WNK3: variants seen among roughly 807,000 people sequenced by gnomAD.
The protein encoded by WNK3 is serine/threonine-protein kinase WNK3.
WNK3 carries 18 observed loss-of-function variants against 116.7 expected under a neutral mutation model. The ratio of observed to expected loss-of-function variants is 0.15; its 90% CI spans 0.11 to 0.23. WNK3 has a LOEUF of 0.23. WNK3 is among the 10% of genes least tolerant of loss of function. The pLI, the probability that WNK3 is intolerant of heterozygous loss-of-function variation, is 1.00. For synonymous variants in WNK3, 404 were observed against 469.4 expected, an observed-to-expected ratio of 0.86 and a Z score of 1.80; for missense variants, 993 against 1,323.8, an observed-to-expected ratio of 0.75 and a Z score of 3.88.
At chrX:54,254,201 T>A in intron 12 of WNK3, 126 bp from the exon 13 acceptor site, 1 of 420,593 alleles carries the variant, frequency 2.4e-6, no homozygotes, top group Non-Finnish European at 4.2e-6. Flanking sequence ...TTCAGAATGT[T>A]TTCCCTTGGT....
chrX:54,260,563 T>C (rs1424494941), intron 10 of WNK3, among the ~76,000 whole-genome samples: 2 of 111,911 alleles, frequency 1.8e-5, no homozygotes, highest in Non-Finnish European at 3.8e-5. Flanking sequence ...CTCAGAATCA[T>C]GGCTAATGTT....
At chrX:54,302,151 T>C (rs2068764224) in intron 5 of WNK3, among the ~76,000 whole-genome samples, 1 of 111,183 alleles carries the variant, frequency 9.0e-6, no homozygotes, top group Non-Finnish European at 1.9e-5. Context: ...TCTGCAGGTA[T>C]ATATGACAAT....
Position 54,302,757 on chromosome X carries a change from A to T in WNK3, c.1090-898T>A, listed in dbSNP as rs868935248. Among the ~76,000 whole-genome samples the T allele has an allele frequency of 3.7e-3, 160 of 43,395 alleles. 3 individuals are homozygous for T. The highest frequency in any genetic ancestry group is 0.015 in the African/African-American group (131 of 9,008). The allele number at this position is 43,395 out of a possible 115,157, so 37.7% of individuals were successfully genotyped here. ...TATATATATATATATATATATATAT[A>T]TTTTTTTTTTTTTTTTTATTTTTAA... On this transcript the variant is annotated intron_variant, in intron 5 of 23. Coordinates refer to ENST00000354646, the Ensembl canonical transcript of WNK3.
intron 21 of WNK3, among the ~76,000 whole-genome samples, chrX:54,229,383 T>C (rs782342456): frequency 1.8e-5 from 2 of 108,638 alleles, no homozygotes; most frequent in East Asian, 2.9e-4. Flanking sequence ...AAAGGAGAGA[T>C]AGCCTACGTT....
chrX:54,257,789 C>CAAA (rs60655785), intron 11 of WNK3, among the ~76,000 whole-genome samples: 2 of 15,664 alleles, frequency 1.3e-4, no homozygotes, highest in African/African-American at 6.6e-4. Context: ...GACTCTGCCT[C>CAAA]AAAAAAAAAA....
At chrX:54,233,315 G>A (rs1227952375) in intron 20 of WNK3, among the ~76,000 whole-genome samples, 1 of 105,649 alleles carries the variant, frequency 9.5e-6, no homozygotes, top group African/African-American at 3.4e-5. Flanking sequence ...GTGCATGCCT[G>A]TAGTCCCACC....
At chrX:54,286,133 C>T (rs782405654) in intron 10 of WNK3, among the ~76,000 whole-genome samples, 1 of 109,670 alleles carries the variant, frequency 9.1e-6, no homozygotes, top group Non-Finnish European at 1.9e-5. Context: ...GTGCAATCTG[C>T]CCACAGAATG....
intron 17 of WNK3, 41 bp from the exon 18 acceptor site, chrX:54,239,140 C>A: frequency 8.2e-6 from 7 of 853,475 alleles, no homozygotes; most frequent in Admixed American, 8.5e-5. Flanking sequence ...CAAAACAAAA[C>A]AAAACAAAAC....
intron 7 of WNK3, 33 bp from the exon 8 acceptor site, chrX:54,294,880 T>C: frequency 9.0e-7 from 1 of 1,109,404 alleles, no homozygotes; most frequent in Non-Finnish European, 1.2e-6. Flanking sequence ...AAACTACTTC[T>C]TTAACATTTA....
Position 54,298,414 on chromosome X carries a change from T to C in WNK3, c.1179-20A>G. On this transcript the variant is annotated intron_variant, in intron 6 of 23. Transcript: ENST00000354646. The stretch of plus-strand genomic sequence containing the variant: ...GACAACCTAATAAACAAAACATATA[T>C]CTCATTATCAGTTCTTCCAATCATA... 9.1e-7 allele frequency: 1 copy of C among 1,103,879 alleles called. No homozygotes were observed. The highest frequency in any genetic ancestry group is 1.2e-6 in the Non-Finnish European group (1 of 800,768). The allele number at this position is 1,103,879 out of a possible 1,213,427, so 91.0% of individuals were successfully genotyped here. A position where few individuals can be genotyped will look rare whatever the true frequency, so the allele number is the denominator to read the frequency against.
chrX:54,326,038 TTTTACAAAGAACAATAGGTCAAAGTC>T (rs1195628741), intron 2 of WNK3, among the ~76,000 whole-genome samples: 1 of 111,115 alleles, frequency 9.0e-6, no homozygotes, highest in Non-Finnish European at 1.9e-5. Flanking sequence ...TTACCAAAGT[TTTTACAAAGAACAATAGGTCAAAGTC>T]TTTCCATTAA....
chrX:54,345,058 G>C lies in WNK3; in HGVS notation c.-119-11266C>G, dbSNP rs1449445097. 4.6e-5 allele frequency among the ~76,000 whole-genome samples: 5 copies of C among 109,586 alleles called. No homozygotes were observed. The East Asian group carries it at 1.4e-3, about 31-fold the overall frequency. The stretch of plus-strand genomic sequence containing the variant: ...AGGTCAGGAGGTCCAGATCATCCTG[G>C]CTAACACGGTGAAACCCCGTCTCTA... On this transcript the variant is annotated intron_variant, in intron 1 of 23. Transcript: ENST00000354646.
intron 1 of WNK3, among the ~76,000 whole-genome samples, chrX:54,355,747 C>G (rs781883927): frequency 9.0e-6 from 1 of 111,510 alleles, no homozygotes; most frequent in South Asian, 3.8e-4. Flanking sequence ...TTCCATTCTC[C>G]AAATATACCA....
At chrX:54,232,514 C>T (rs1264502268) in intron 21 of WNK3, among the ~76,000 whole-genome samples, 1 of 111,733 alleles carries the variant, frequency 8.9e-6, no homozygotes, top group East Asian at 2.8e-4. Context: ...CAGAAGTTCC[C>T]ACTGACTGAT....
intron 23 of WNK3, among the ~76,000 whole-genome samples, chrX:54,200,300 A>G (rs1462841898): frequency 3.6e-5 from 4 of 112,020 alleles, no homozygotes; most frequent in African/African-American, 6.5e-5. Context: ...CACCAAACCC[A>G]TGTCTAACAG....
intron 10 of WNK3, among the ~76,000 whole-genome samples, chrX:54,266,967 C>T (rs1370208380): frequency 1.8e-5 from 2 of 110,625 alleles, no homozygotes; most frequent in Non-Finnish European, 3.8e-5. Flanking sequence ...TGTTCAACTC[C>T]CACTTATGAG....
intron 10 of WNK3, among the ~76,000 whole-genome samples, chrX:54,268,301 G>A (rs1275611280): frequency 9.0e-6 from 1 of 110,872 alleles, no homozygotes; most frequent in Non-Finnish European, 1.9e-5. Context: ...GGGCAACTGA[G>A]CAATACCTCG....
chrX:54,275,979 C>A (rs1289823483), intron 10 of WNK3, among the ~76,000 whole-genome samples: 1 of 110,794 alleles, frequency 9.0e-6, no homozygotes, highest in Non-Finnish European at 1.9e-5. Flanking sequence ...GATCAATCCA[C>A]TAAAAAGACA....
intron 22 of WNK3, among the ~76,000 whole-genome samples, chrX:54,222,915 A>AATAATATATATATAT (rs1491230973): frequency 1.5e-4 from 12 of 80,988 alleles, no homozygotes; most frequent in African/African-American, 5.8e-4. Flanking sequence ...TAATAATAAT[A>AATAATATATATATAT]ATATATATAT....
Sources: allele counts gnomAD v4.1 joint callset (sites outside exome capture counted in the v4.1 genomes callset), GRCh38; gene constraint gnomAD v4.1.1; transcripts MANE v1.5; gene names NCBI Gene and HGNC (gene_info 2026-07-23, HGNC 2026-07-21).